The following BMPR1B variants were observed in gnomAD, a reference collection of about 807,000 sequenced individuals.
BMPR1B encodes the protein bone morphogenetic protein receptor type-1B.
In BMPR1B, 12 loss-of-function variants were observed where a neutral mutation model predicts 59.1. The ratio of observed to expected loss-of-function variants is 0.20; its 90% confidence interval spans 0.13 to 0.33. The LOEUF (loss-of-function observed/expected upper bound fraction) is 0.33. BMPR1B is among the 10% of genes least tolerant of loss of function. BMPR1B has a pLI of 1.00. For synonymous variants in BMPR1B, 237 were observed against 207.3 expected, an observed-to-expected ratio of 1.14 and a Z score of -1.23; for missense variants, 550 against 610.9, an observed-to-expected ratio of 0.90 and a Z score of 1.05.
chr4:95,125,927 C>T (rs1732873951), intron 8 of BMPR1B, among the ~76,000 whole-genome samples: 1 of 152,124 alleles, frequency 6.6e-6, no homozygotes, highest in African/African-American at 2.4e-5. Context: ...CCACCTCTTC[C>T]CAGTATGCTG....
intron 3 of BMPR1B, among the ~76,000 whole-genome samples, chr4:95,053,281 TTGTG>T (rs60404669): frequency 0.055 from 7,362 of 134,248 alleles, 244 homozygotes; most frequent in African/African-American, 0.098. Context: ...TGCAGGGCAC[TTGTG>T]TGTGTGTGTG....
rs548956012 is a variant in BMPR1B at position 95,155,475 on chromosome 4, C to CTTTTT, written c.*830_*834dup. The CTTTTT allele has an allele frequency of 2.1e-3, 135 of 64,308 alleles. 16 individuals are homozygous for CTTTTT. The highest frequency in any genetic ancestry group is 5.5e-3 in the African/African-American group (81 of 14,842). 4.0% of individuals were successfully genotyped at this position (64,308 alleles called of 1,614,324 possible). ...CCCTTTTCATTAAACACAAAGAAAG[C>CTTTTT]TTTTTTTTTTTTTTTTTTTTTTTTT... On this transcript the variant is annotated 3_prime_UTR_variant, in exon 13 of 13. Transcript: ENST00000515059.
chr4:95,027,940 A>G (rs1478668245), intron 3 of BMPR1B, among the ~76,000 whole-genome samples: 1 of 152,138 alleles, frequency 6.6e-6, no homozygotes, highest in Non-Finnish European at 1.5e-5. Context: ...AGGAAAGCAC[A>G]CTCTTATTCA....
At chr4:94,973,440 A>T (rs1015470409) in intron 2 of BMPR1B, among the ~76,000 whole-genome samples, 1 of 152,208 alleles carries the variant, frequency 6.6e-6, no homozygotes, top group Non-Finnish European at 1.5e-5. Flanking sequence ...CACAGGGCGG[A>T]TAATCATCTT....
chr4:94,796,039 A>G (rs1237289175), intron 1 of BMPR1B, among the ~76,000 whole-genome samples: 2 of 150,658 alleles, frequency 1.3e-5, no homozygotes, highest in African/African-American at 4.9e-5. Flanking sequence ...ATCTCGGCTT[A>G]CTGCAACCTC....
intron 2 of BMPR1B, among the ~76,000 whole-genome samples, chr4:94,929,727 A>G (rs1453918318): frequency 6.6e-6 from 1 of 151,906 alleles, no homozygotes; most frequent in East Asian, 1.9e-4. Context: ...GATGCCTCTC[A>G]TATCTTACAT....
intron 3 of BMPR1B, among the ~76,000 whole-genome samples, chr4:95,009,278 A>G (rs1723064840): frequency 6.6e-6 from 1 of 152,228 alleles, no homozygotes; most frequent in Non-Finnish European, 1.5e-5. Context: ...TATATCCTAT[A>G]GAAATTTTTG....
At chr4:94,905,294 C>A (rs934291172) in intron 2 of BMPR1B, among the ~76,000 whole-genome samples, 1 of 151,860 alleles carries the variant, frequency 6.6e-6, no homozygotes, top group Admixed American at 6.6e-5. Flanking sequence ...GCAAATATCC[C>A]AATTTAAATT....
At chr4:95,085,699 T>G (rs1439368010) in intron 3 of BMPR1B, among the ~76,000 whole-genome samples, 1 of 152,172 alleles carries the variant, frequency 6.6e-6, no homozygotes, top group Non-Finnish European at 1.5e-5. Flanking sequence ...AGCAAAGTTA[T>G]CAGCCAGTCT....
chr4:94,811,879 T>C (rs1723828725), intron 1 of BMPR1B, among the ~76,000 whole-genome samples: 2 of 152,216 alleles, frequency 1.3e-5, no homozygotes, highest in African/African-American at 4.8e-5. Flanking sequence ...TAAACATAAT[T>C]TTAGCATATT....
intron 2 of BMPR1B, among the ~76,000 whole-genome samples, chr4:94,881,012 T>A (rs150263882): frequency 6.6e-6 from 1 of 152,262 alleles, no homozygotes; most frequent in East Asian, 1.9e-4. Flanking sequence ...ATTCTGAAGT[T>A]TTACCTTGCA....
intron 2 of BMPR1B, among the ~76,000 whole-genome samples, chr4:94,893,923 C>A (rs1174240521): frequency 6.6e-6 from 1 of 151,968 alleles, no homozygotes. Context: ...GTAAACAGTT[C>A]AGTTTTGTTG....
intron 3 of BMPR1B, among the ~76,000 whole-genome samples, chr4:95,028,340 T>C (rs939291273): frequency 6.6e-6 from 1 of 152,212 alleles, no homozygotes; most frequent in Non-Finnish European, 1.5e-5. Context: ...ATTATTTGTA[T>C]AATGTTTTGT....
intron 1 of BMPR1B, among the ~76,000 whole-genome samples, chr4:94,841,637 C>T (rs1483225462): frequency 1.3e-5 from 2 of 152,160 alleles, no homozygotes; most frequent in Non-Finnish European, 2.9e-5. Flanking sequence ...ACGGTGCGCG[C>T]ACCCACTGAT....
At chr4:94,888,213 A>G (rs1028302013) in intron 2 of BMPR1B, among the ~76,000 whole-genome samples, 17 of 152,226 alleles carry the variant, frequency 1.1e-4, no homozygotes, top group Non-Finnish European at 2.1e-4. Context: ...GGAATTTTCT[A>G]TCAATTCTTC....
At chr4:94,931,708 C>T (rs1276051992) in intron 2 of BMPR1B, among the ~76,000 whole-genome samples, 2 of 152,084 alleles carry the variant, frequency 1.3e-5, no homozygotes, top group African/African-American at 2.4e-5. Context: ...AGATTTCGTT[C>T]CCTAACTGTC....
At chr4:95,122,601 G>T (rs935573975) in intron 6 of BMPR1B, among the ~76,000 whole-genome samples, 2 of 152,046 alleles carry the variant, frequency 1.3e-5, no homozygotes, top group Non-Finnish European at 2.9e-5. Flanking sequence ...ATTATATTTT[G>T]CTTATGAACA....
In BMPR1B at chr4:95,038,255, AAG is replaced by A. The variant is rs368191229; in HGVS notation, c.-18+42124_-18+42125del. ...GAACAGGATGAAGAAGGGGGAGAAAAAGAGCCCAGTGAGGTAGCAATTGGAAG... is the reference window on the plus strand; with the variant it reads ...GAACAGGATGAAGAAGGGGGAGAAAAAGCCCAGTGAGGTAGCAATTGGAAG... On this transcript the variant is annotated intron_variant, in intron 3 of 12. Transcript: ENST00000515059. 2.6e-4 allele frequency among the ~76,000 whole-genome samples: 40 copies of A among 152,226 alleles called. No homozygotes were observed. In the South Asian group the frequency reaches 7.5e-3, roughly 28 times the overall value.
At chr4:95,109,170 C>T (rs1162202346) in intron 4 of BMPR1B, among the ~76,000 whole-genome samples, 1 of 152,106 alleles carries the variant, frequency 6.6e-6, no homozygotes, top group Non-Finnish European at 1.5e-5. Context: ...TGACTATTTT[C>T]TTCAAAGACA....
Sources: gnomAD v4.1 joint callset for allele counts (sites outside exome capture counted in the v4.1 genomes callset) on GRCh38, gnomAD v4.1.1 for gene constraint, MANE v1.5 for transcripts, NCBI Gene and HGNC (gene_info 2026-07-23, HGNC 2026-07-21) for gene names.